The following TMEFF1 variants were observed in gnomAD, a reference collection of about 807,000 sequenced individuals.
The protein encoded by TMEFF1 is transmembrane protein with EGF like and two follistatin like domains 1.
TMEFF1 carries 20 observed loss-of-function variants against 47.5 expected under a neutral mutation model. The ratio of observed to expected loss-of-function variants is 0.42; its 90% confidence interval spans 0.30 to 0.61. The LOEUF (loss-of-function observed/expected upper bound fraction) is 0.61, where lower values mean the gene tolerates loss of function less well. TMEFF1 is among the 20% of genes least tolerant of loss of function. TMEFF1 has a pLI of 0.19. For synonymous variants in TMEFF1, 162 were observed against 166.3 expected, an observed-to-expected ratio of 0.97 and a Z score of 0.20; for missense variants, 411 against 471.1, an observed-to-expected ratio of 0.87 and a Z score of 1.18.
intron 5 of TMEFF1, among the ~76,000 whole-genome samples, chr9:100,527,692 T>C (rs1838290105): frequency 6.6e-6 from 1 of 152,148 alleles, no homozygotes; most frequent in African/African-American, 2.4e-5. Context: ...CCAGGCTTGC[T>C]TACGTAAACA....
chr9:100,567,535 T>C (rs1347789336), intron 8 of TMEFF1, among the ~76,000 whole-genome samples: 1 of 152,168 alleles, frequency 6.6e-6, no homozygotes, highest in African/African-American at 2.4e-5. Context: ...GGGATCTTTA[T>C]CTGTTCTGTT....
At chr9:100,533,926 C>T (rs1264715392) in intron 5 of TMEFF1, among the ~76,000 whole-genome samples, 2 of 152,016 alleles carry the variant, frequency 1.3e-5, no homozygotes, top group African/African-American at 4.8e-5. Flanking sequence ...ACCATGTTGG[C>T]CAGGATGGTC....
chr9:100,475,640 C>T (rs1240307087), intron 1 of TMEFF1, among the ~76,000 whole-genome samples: 2 of 151,326 alleles, frequency 1.3e-5, no homozygotes, highest in Non-Finnish European at 2.9e-5. Flanking sequence ...TTGCATAGTT[C>T]AAGTTTTAAG....
intron 5 of TMEFF1, among the ~76,000 whole-genome samples, chr9:100,529,972 A>G (rs532077438): frequency 2.9e-4 from 44 of 152,254 alleles, no homozygotes; most frequent in Middle Eastern, 3.4e-3. Flanking sequence ...TGGAAACTGA[A>G]CAACCTGCTC....
At chr9:100,576,463 G>A in intron 9 of TMEFF1, 53 bp from the exon 10 acceptor site, 1 of 1,593,498 alleles carries the variant, frequency 6.3e-7, no homozygotes. Flanking sequence ...GAAATATCCT[G>A]AACAAAATCA....
At chr9:100,488,228 GT>G (rs902874707) in intron 1 of TMEFF1, among the ~76,000 whole-genome samples, 1 of 151,756 alleles carries the variant, frequency 6.6e-6, no homozygotes, top group Non-Finnish European at 1.5e-5. Flanking sequence ...TTTACAATGT[GT>G]TTTTTTTCAC....
intron 8 of TMEFF1, 126 bp from the exon 9 acceptor site, chr9:100,572,392 G>A (rs1190374573): frequency 5.5e-6 from 6 of 1,085,684 alleles, no homozygotes; most frequent in Non-Finnish European, 7.3e-6. Context: ...CCCCCAGATG[G>A]TAGGAAAGTG....
At chr9:100,513,157 A>T in intron 3 of TMEFF1, 150 bp from the exon 4 acceptor site, 1 of 1,038,518 alleles carries the variant, frequency 9.6e-7, no homozygotes, top group Non-Finnish European at 1.4e-6. Flanking sequence ...TAAAATAAGT[A>T]TGTAAGAATA....
At chr9:100,529,174 C>T (rs1838326866) in intron 5 of TMEFF1, among the ~76,000 whole-genome samples, 2 of 149,780 alleles carry the variant, frequency 1.3e-5, no homozygotes, top group African/African-American at 4.9e-5. Context: ...TAGGAAGAAA[C>T]TGCATCAACT....
Position 100,476,857 on chromosome 9 carries a change from C to T in TMEFF1, c.196+3117C>T, listed in dbSNP as rs887397430. 4.6e-5 allele frequency among the ~76,000 whole-genome samples: 7 copies of T among 151,972 alleles called. 1 individual carries two copies. Among genetic ancestry groups the T allele is most frequent in the Middle Eastern group, 3.4e-3 (1 of 294 alleles). ...GACTACAGGCACCCGCCACCATGCC[C>T]GGCTAATTTTTTGTATTTTTAGTAG... On this transcript the variant is annotated intron_variant, in intron 1 of 9. Coordinates refer to ENST00000374879, the MANE Select transcript of TMEFF1 (RefSeq NM_003692.5).
At chr9:100,489,400 A>G (rs560434667) in intron 1 of TMEFF1, among the ~76,000 whole-genome samples, 1 of 152,260 alleles carries the variant, frequency 6.6e-6, no homozygotes, top group South Asian at 2.1e-4. Flanking sequence ...CATGTTGCCC[A>G]GACTGATCTC....
At chr9:100,567,142 C>T (rs1839140778) in intron 8 of TMEFF1, among the ~76,000 whole-genome samples, 1 of 151,876 alleles carries the variant, frequency 6.6e-6, no homozygotes, top group Non-Finnish European at 1.5e-5. Context: ...CTCTGTCTGG[C>T]TCTCCTCTCC....
chr9:100,482,243 G>C (rs933860783), intron 1 of TMEFF1, among the ~76,000 whole-genome samples: 1 of 150,504 alleles, frequency 6.6e-6, no homozygotes. Flanking sequence ...TGTTGCCCAG[G>C]CTGGAGTGCA....
intron 2 of TMEFF1, among the ~76,000 whole-genome samples, chr9:100,503,585 A>AGAGC (rs1435716725): frequency 6.6e-6 from 1 of 151,320 alleles, no homozygotes; most frequent in Admixed American, 6.6e-5. Flanking sequence ...CACGAATGTG[A>AGAGC]GAGCGAGCGA....
At chr9:100,502,805 T>G (rs756787623) in intron 2 of TMEFF1, among the ~76,000 whole-genome samples, 1 of 152,210 alleles carries the variant, frequency 6.6e-6, no homozygotes, top group Non-Finnish European at 1.5e-5. Context: ...ATTTTTACCT[T>G]GTGGCAAAGC....
rs374269579 is a variant in TMEFF1 at position 100,499,427 on chromosome 9, G to A, written c.306+553G>A. Among the ~76,000 whole-genome samples the A allele has an allele frequency of 3.3e-5, 5 of 152,298 alleles. No individual in the cohort carries two copies. The East Asian group carries it at 9.7e-4, about 29-fold the overall frequency. ...CTAAAAAAGTAAAACAAGGGAAATA[G>A]TTATATTTAATTCTTTCTTTTTATT... On this transcript the variant is annotated intron_variant, in intron 2 of 9. Coordinates refer to ENST00000374879, the MANE Select transcript of TMEFF1 (RefSeq NM_003692.5).
intron 5 of TMEFF1, among the ~76,000 whole-genome samples, chr9:100,535,533 G>A (rs866424887): frequency 2.0e-4 from 31 of 152,338 alleles, no homozygotes; most frequent in Middle Eastern, 3.4e-3. Context: ...CACTTTGGGA[G>A]GCCGAGGTGG....
intron 1 of TMEFF1, among the ~76,000 whole-genome samples, chr9:100,477,678 T>C (rs1244596558): frequency 7.2e-6 from 1 of 139,670 alleles, no homozygotes; most frequent in Admixed American, 8.1e-5. Flanking sequence ...CAGGCTGGAG[T>C]GCAGTGGCAT....
At chr9:100,545,515 T>G (rs1838716853) in intron 5 of TMEFF1, among the ~76,000 whole-genome samples, 2 of 152,172 alleles carry the variant, frequency 1.3e-5, no homozygotes, top group Non-Finnish European at 2.9e-5. Context: ...GGAAACCATG[T>G]TTTCCTCCTA....
Sources: gnomAD v4.1 joint callset for allele counts (sites outside exome capture counted in the v4.1 genomes callset) on GRCh38, gnomAD v4.1.1 for gene constraint, MANE v1.5 for transcripts, NCBI Gene and HGNC (gene_info 2026-07-23, HGNC 2026-07-21) for gene names.